The following HK1 variants were observed in gnomAD, a reference collection of about 807,000 sequenced individuals.
HK1 encodes the protein hexokinase 1, also known as hexokinase-1.
In HK1, 28 loss-of-function variants were observed where a neutral mutation model predicts 91.6. That is an observed-to-expected ratio of 0.31 (90% CI 0.23 to 0.42). The LOEUF (loss-of-function observed/expected upper bound fraction) is 0.42, where lower values mean the gene tolerates loss of function less well. Among genes scored for constraint, HK1 ranks in the 10% least tolerant of loss-of-function variants. The pLI, the probability that HK1 is intolerant of heterozygous loss-of-function variation, is 1.00. For missense variants in HK1, 770 were observed against 1,219.8 expected, an observed-to-expected ratio of 0.63 and a Z score of 5.49; for synonymous variants, 430 against 468.1, an observed-to-expected ratio of 0.92 and a Z score of 1.05.
intron 2 of HK1, among the ~76,000 whole-genome samples, chr10:69,358,987 G>T (rs998168976): frequency 3.3e-5 from 5 of 151,980 alleles, no homozygotes; most frequent in Non-Finnish European, 7.4e-5. Flanking sequence ...GCTTGAGACT[G>T]CAGTGAGCTT....
chr10:69,294,123 A>T (rs1029745528), intron 3 of HK1, among the ~76,000 whole-genome samples: 3 of 151,896 alleles, frequency 2.0e-5, no homozygotes, highest in African/African-American at 7.3e-5. Flanking sequence ...GGCCTCCCAA[A>T]GTGCTGGGAT....
At chr10:69,357,376 C>T (rs1186256029) in intron 2 of HK1, among the ~76,000 whole-genome samples, 1 of 152,188 alleles carries the variant, frequency 6.6e-6, no homozygotes, top group African/African-American at 2.4e-5. Context: ...CTCATATGCA[C>T]TATAACATGA....
intron 2 of HK1, among the ~76,000 whole-genome samples, chr10:69,356,785 AG>A (rs1332885671): frequency 2.7e-5 from 4 of 146,598 alleles, no homozygotes; most frequent in African/African-American, 1.0e-4. Flanking sequence ...GAGGAGGCTG[AG>A]GCAGGAGAAT....
intron 1 of HK1, among the ~76,000 whole-genome samples, chr10:69,273,122 T>C (rs920890699): frequency 1.3e-5 from 2 of 151,090 alleles, no homozygotes; most frequent in Admixed American, 1.3e-4. Context: ...TTTCCGCCTC[T>C]TGGGTTCAAG....
chr10:69,393,704 A>G (rs758110021), intron 15 of HK1, among the ~76,000 whole-genome samples: 7 of 152,226 alleles, frequency 4.6e-5, no homozygotes, highest in Non-Finnish European at 8.8e-5. Flanking sequence ...GAACCGTGCT[A>G]TTCAAGTCTA....
intron 3 of HK1, 131 bp from the exon 4 acceptor site, chr10:69,364,651 TC>T: frequency 8.7e-7 from 1 of 1,143,928 alleles, no homozygotes; most frequent in Admixed American, 1.7e-5. Flanking sequence ...GGCCACCAGG[TC>T]CCAGGAGTAC....
At chr10:69,288,964 T>C (rs1207448074) in intron 3 of HK1, among the ~76,000 whole-genome samples, 1 of 152,172 alleles carries the variant, frequency 6.6e-6, no homozygotes, top group African/African-American at 2.4e-5. Context: ...TTTGTATTTT[T>C]TTGTAGAGAT....
intron 4 of HK1, chr10:69,295,749 C>G (rs768711619): frequency 4.0e-6 from 4 of 999,704 alleles, no homozygotes; most frequent in Non-Finnish European, 6.3e-6. Context: ...CGTGGCAATC[C>G]CCTTTGGGAT....
chr10:69,311,668 C>T (rs559008852), upstream of HK1, among the ~76,000 whole-genome samples: 6 of 152,018 alleles, frequency 3.9e-5, no homozygotes, highest in Non-Finnish European at 7.4e-5. Flanking sequence ...ACGGAGTCTT[C>T]CTCTGTTGCC....
At chr10:69,393,365 C>T (rs7914033) in intron 15 of HK1, among the ~76,000 whole-genome samples, 41,729 of 149,980 alleles carry the variant, frequency 0.28, 6,253 homozygotes, top group South Asian at 0.39. Context: ...TGCAGTGGTG[C>T]GAGCTCAGCT....
intron 9 of HK1, among the ~76,000 whole-genome samples, chr10:69,381,961 C>A (rs1839409184): frequency 6.6e-6 from 1 of 152,232 alleles, no homozygotes; most frequent in South Asian, 2.1e-4. Context: ...GTATGTGATA[C>A]TCATGTAATA....
At chr10:69,376,750 G>A (rs1839130934) in intron 7 of HK1, among the ~76,000 whole-genome samples, 184 bp from the exon 8 acceptor site, 1 of 152,072 alleles carries the variant, frequency 6.6e-6, no homozygotes, top group Non-Finnish European at 1.5e-5. Context: ...CTCCACAGTC[G>A]GCTTGGCTTC....
chr10:69,286,918 C>T (rs565143219), intron 2 of HK1, among the ~76,000 whole-genome samples: 284 of 152,256 alleles, frequency 1.9e-3, no homozygotes, highest in Admixed American at 3.9e-3. Flanking sequence ...ATAGAGAAAC[C>T]AGGGACAAAT....
At chr10:69,289,304 T>C (rs1365689885) in intron 3 of HK1, among the ~76,000 whole-genome samples, 1 of 152,134 alleles carries the variant, frequency 6.6e-6, no homozygotes, top group African/African-American at 2.4e-5. Context: ...GATCGTTCTG[T>C]ATCCCCCTGG....
chr10:69,307,122 A>C lies in HK1; in HGVS notation c.27+6261A>C, dbSNP rs115485279. The stretch of plus-strand genomic sequence containing the variant: ...GACTTGATTCTCATAGGCAGCTGGA[A>C]ATATAATCACGAACTTGGGAGGGAG... On this transcript the variant is annotated intron_variant, in intron 5 of 21. Coordinates refer to the HK1 transcript ENST00000360289. Among the ~76,000 whole-genome samples the C allele has an allele frequency of 2.9e-3, 449 of 152,298 alleles. 1 individual carries two copies. Among genetic ancestry groups the C allele is most frequent in the Middle Eastern group, 0.02 (6 of 294 alleles).
chr10:69,392,928 C>A (rs558630601), intron 15 of HK1, among the ~76,000 whole-genome samples: 1 of 152,206 alleles, frequency 6.6e-6, no homozygotes, highest in Non-Finnish European at 1.5e-5. Context: ...TTTCTAAATA[C>A]CACCCATGCT....
At chr10:69,371,178 C>G (rs917332356) in intron 7 of HK1, among the ~76,000 whole-genome samples, 5 of 152,102 alleles carry the variant, frequency 3.3e-5, no homozygotes, top group Admixed American at 3.3e-4. Context: ...AGTGAATAAA[C>G]TAGGTTTCTC....
At chr10:69,330,799 C>T (rs1192024740) in intron 1 of HK1, among the ~76,000 whole-genome samples, 1 of 152,140 alleles carries the variant, frequency 6.6e-6, no homozygotes, top group Non-Finnish European at 1.5e-5. Context: ...CCCCTTTCTC[C>T]AGTCACACTT....
intron 1 of HK1, among the ~76,000 whole-genome samples, chr10:69,276,614 G>A (rs1236087839): frequency 1.3e-5 from 2 of 151,800 alleles, no homozygotes; most frequent in East Asian, 1.9e-4. Flanking sequence ...AGCTGAGATC[G>A]TGCCACTGCC....
Sources: gnomAD v4.1 joint callset for allele counts (sites outside exome capture counted in the v4.1 genomes callset) on GRCh38, gnomAD v4.1.1 for gene constraint, MANE v1.5 for transcripts, NCBI Gene and HGNC (gene_info 2026-07-23, HGNC 2026-07-21) for gene names.